The following TBL1X variants were observed in gnomAD, a reference collection of about 807,000 sequenced individuals.
TBL1X encodes the protein transducin beta like 1 X-linked.
TBL1X carries 10 observed loss-of-function variants against 50.7 expected under a neutral mutation model. The ratio of observed to expected loss-of-function variants is 0.20; its 90% CI spans 0.12 to 0.33. The LOEUF is 0.33. TBL1X is among the 10% of genes least tolerant of loss of function. TBL1X has a pLI of 1.00. For synonymous variants in TBL1X, 190 were observed against 214.7 expected, an observed-to-expected ratio of 0.88 and a Z score of 1.01; for missense variants, 340 against 504.4, an observed-to-expected ratio of 0.67 and a Z score of 3.12.
chrX:9,484,916 TAAA>T (rs760004328), intron 1 of TBL1X, among the ~76,000 whole-genome samples: 16 of 41,303 alleles, frequency 3.9e-4, no homozygotes, highest in Admixed American at 3.1e-4. Flanking sequence ...ACCCTGGCAC[TAAA>T]AAAAAAAAAA....
At chrX:9,714,760 A>G in intron 16 of TBL1X, 142 bp from the exon 17 acceptor site, 1 of 560,093 alleles carries the variant, frequency 1.8e-6, no homozygotes, top group East Asian at 3.7e-5. Flanking sequence ...TGGCCCCCAG[A>G]GTCCTTACTG....
chrX:9,709,792 G>A lies in TBL1X; in HGVS notation c.1439+32G>A, dbSNP rs781059795. 8 of 1,199,758 alleles carry A rather than the reference G, an allele frequency of 6.7e-6. No homozygotes were observed. The East Asian group carries it at 1.2e-4, about 18-fold the overall frequency. ...GCAGGCAACACAGCTGGCACAGCTCGGTGTTACACAAAGACAACAGGAAAT... is the reference window on the plus strand; with the variant it reads ...GCAGGCAACACAGCTGGCACAGCTCAGTGTTACACAAAGACAACAGGAAAT... On this transcript the variant is annotated intron_variant, in intron 15 of 17. Coordinates refer to ENST00000645353, the MANE Select transcript of TBL1X (RefSeq NM_005647.4).
At chrX:9,610,569 A>T (rs2082608471) in intron 2 of TBL1X, among the ~76,000 whole-genome samples, 1 of 111,798 alleles carries the variant, frequency 8.9e-6, no homozygotes, top group African/African-American at 3.3e-5. Flanking sequence ...GGACAGGATC[A>T]TTTTCTATAT....
In TBL1X at chrX:9,717,393, C is replaced by T. The variant is rs1208250737; in HGVS notation, c.*1147C>T. 8.9e-6 allele frequency: 1 copy of T among 112,438 alleles called. No homozygotes were observed. The allele number at this position is 112,438 out of a possible 1,213,427, so 9.3% of individuals were successfully genotyped here. A position where few individuals can be genotyped will look rare whatever the true frequency, so the allele number is the denominator to read the frequency against. ...CTGAGGGAGCCCCTGGCTTTCCCCT[C>T]AGCCTCAGGAAAGGTGGTCAGGAAA... On this transcript the variant is annotated 3_prime_UTR_variant, in exon 18 of 18. Coordinates refer to ENST00000645353, the MANE Select transcript of TBL1X (RefSeq NM_005647.4).
At chrX:9,479,975 A>C (rs1409151039) in intron 1 of TBL1X, among the ~76,000 whole-genome samples, 3 of 33,002 alleles carry the variant, frequency 9.1e-5, no homozygotes, top group African/African-American at 3.8e-4. Context: ...TTTGAGATGG[A>C]GTTTTGCTCT....
chrX:9,543,997 C>T (rs1196972864), intron 2 of TBL1X, among the ~76,000 whole-genome samples: 1 of 111,238 alleles, frequency 9.0e-6, no homozygotes, highest in Non-Finnish European at 1.9e-5. Flanking sequence ...AATCACAAAT[C>T]TCCCTGCCCT....
rs963397440 is a variant in TBL1X at position 9,662,640 on chromosome X, A to G, written c.211+8318A>G. ...ATGAATAACGTTCTGGGGATGGTTG[A>G]TGGTGATGGTTGCACAGTAGTGTGA... On this transcript the variant is annotated intron_variant, in intron 5 of 17. Transcript: ENST00000645353. 3.6e-5 allele frequency among the ~76,000 whole-genome samples: 4 copies of G among 112,041 alleles called. No individual in the cohort carries two copies. In the Admixed American group the frequency reaches 3.8e-4, roughly 11 times the overall value.
intron 2 of TBL1X, among the ~76,000 whole-genome samples, chrX:9,558,075 A>G (rs1039833128): frequency 1.8e-5 from 2 of 112,657 alleles, no homozygotes; most frequent in Non-Finnish European, 3.7e-5. Flanking sequence ...TAGTGTGATT[A>G]ATAGAAACAC....
At chrX:9,629,975 C>A (rs1485865274) in intron 2 of TBL1X, among the ~76,000 whole-genome samples, 1 of 111,153 alleles carries the variant, frequency 9.0e-6, no homozygotes, top group Non-Finnish European at 1.9e-5. Context: ...ACTTCCTTGG[C>A]TCTAGTATGT....
chrX:9,506,383 A>G lies in TBL1X; in HGVS notation c.-131+4534A>G, dbSNP rs185315436. Among the ~76,000 whole-genome samples, 15 of 111,783 alleles carry G rather than the reference A, an allele frequency of 1.3e-4. No individual in the cohort carries two copies. In the East Asian group the frequency reaches 3.4e-3, roughly 25 times the overall value. On this transcript the variant is annotated intron_variant, in intron 2 of 17. Transcript: ENST00000645353. Reference sequence around the variant, plus strand: ...AAATCAGCACCCTAACATCACAATTAAAAGAGCTAGAGAGGCAAGAGCAAA... The same window carrying G: ...AAATCAGCACCCTAACATCACAATTGAAAGAGCTAGAGAGGCAAGAGCAAA...
chrX:9,652,196 GGTGTTAATAATCA>G (rs2082839335), intron 3 of TBL1X, among the ~76,000 whole-genome samples: 1 of 112,029 alleles, frequency 8.9e-6, no homozygotes, highest in Non-Finnish European at 1.9e-5. Flanking sequence ...CATGCAATGT[GGTGTTAATAATCA>G]CAGGAGAGAA....
chrX:9,535,010 G>A (rs1394445414), intron 2 of TBL1X: 1 of 111,794 alleles, frequency 8.9e-6, no homozygotes, highest in African/African-American at 3.3e-5. Context: ...GCTTAGAACA[G>A]AGCTTGGTGA....
chrX:9,637,329 T>A (rs2146585144), intron 2 of TBL1X: 1 of 111,867 alleles, frequency 8.9e-6, no homozygotes, highest in African/African-American at 3.2e-5. Flanking sequence ...GTGAAAAGGC[T>A]GCATTTTATT....
At chrX:9,493,101 A>C (rs1275286913) in intron 1 of TBL1X, among the ~76,000 whole-genome samples, 1 of 111,555 alleles carries the variant, frequency 9.0e-6, no homozygotes, top group African/African-American at 3.3e-5. Flanking sequence ...GCCATAGGGC[A>C]GAGTCTCAAT....
intron 16 of TBL1X, 140 bp downstream of exon 16, chrX:9,711,916 T>C: frequency 9.6e-6 from 6 of 625,721 alleles, no homozygotes; most frequent in Non-Finnish European, 1.4e-5. Context: ...GTGGATGCTG[T>C]CCACGTGCAC....
intron 2 of TBL1X, among the ~76,000 whole-genome samples, chrX:9,559,628 T>G (rs766806743): frequency 8.9e-6 from 1 of 112,073 alleles, no homozygotes; most frequent in Admixed American, 9.5e-5. Flanking sequence ...CACTGAATTT[T>G]ACTGGAATAA....
intron 1 of TBL1X, 57 bp from the exon 2 acceptor site, chrX:9,501,723 T>C (rs2082002461): frequency 8.9e-6 from 1 of 112,058 alleles, no homozygotes; most frequent in Non-Finnish European, 1.9e-5. Context: ...ATTATTGATA[T>C]ACTATTATGC....
chrX:9,555,336 C>T (rs889965483), intron 2 of TBL1X, among the ~76,000 whole-genome samples: 17 of 111,677 alleles, frequency 1.5e-4, no homozygotes, highest in African/African-American at 5.5e-4. Flanking sequence ...GTTTCAGCCT[C>T]CCAAAGCCTT....
At chrX:9,556,075 G>T (rs2082296481) in intron 2 of TBL1X, among the ~76,000 whole-genome samples, 2 of 110,137 alleles carry the variant, frequency 1.8e-5, no homozygotes, top group Admixed American at 9.7e-5. Flanking sequence ...TGTGGTCCCA[G>T]CTACTTGGGA....
Sources: allele counts gnomAD v4.1 joint callset (sites outside exome capture counted in the v4.1 genomes callset), GRCh38; gene constraint gnomAD v4.1.1; transcripts MANE v1.5; gene names NCBI Gene and HGNC (gene_info 2026-07-23, HGNC 2026-07-21).